The following TTC7A variants were observed in gnomAD, a reference collection of about 807,000 sequenced individuals.
The protein encoded by TTC7A is tetratricopeptide repeat protein 7A.
Under a neutral mutation model 103.7 loss-of-function variants are expected in TTC7A, and 110 were observed. The observed-to-expected ratio is 1.06, with a 90% CI of 0.91 to 1.24. The LOEUF is 1.24. Among genes scored for constraint, TTC7A ranks in the 50% most tolerant of loss-of-function variants. The pLI is 0.00. For missense variants in TTC7A, 1,340 were observed against 1,116.3 expected (o/e 1.20, Z -2.86); for synonymous variants, 521 against 467.9 (o/e 1.11, Z -1.47).
chr2:46,992,605 C>T (rs1308117068), intron 5 of TTC7A, among the ~76,000 whole-genome samples: 1 of 152,194 alleles, frequency 6.6e-6, no homozygotes, highest in Non-Finnish European at 1.5e-5. Flanking sequence ...TTCTGTGAGC[C>T]CTGGGGCCAC....
intron 19 of TTC7A, among the ~76,000 whole-genome samples, chr2:47,066,584 A>G (rs1210162319): frequency 6.6e-6 from 1 of 152,202 alleles, no homozygotes; most frequent in East Asian, 1.9e-4. Context: ...GTTGGACCAG[A>G]TATGAGAGGT....
intron 16 of TTC7A, among the ~76,000 whole-genome samples, chr2:47,048,948 G>C (rs891707864): frequency 6.6e-6 from 1 of 152,134 alleles, no homozygotes; most frequent in Non-Finnish European, 1.5e-5. Context: ...CTGGGAATGG[G>C]AAGGGGTGGG....
At chr2:46,918,603 A>C (rs756973374) in intron 2 of TTC7A, among the ~76,000 whole-genome samples, 10 of 152,238 alleles carry the variant, frequency 6.6e-5, no homozygotes, top group Non-Finnish European at 1.3e-4. Context: ...GGAATTGGCT[A>C]ACTGGAGGTT....
At chr2:46,961,454 G>A (rs1383557321) in intron 3 of TTC7A, among the ~76,000 whole-genome samples, 1 of 151,962 alleles carries the variant, frequency 6.6e-6, no homozygotes, top group African/African-American at 2.4e-5. Context: ...GCAGGTGCCT[G>A]TAGTCCCAGC....
chr2:46,931,193 G>A (rs1296421649), intron 2 of TTC7A, among the ~76,000 whole-genome samples: 1 of 152,218 alleles, frequency 6.6e-6, no homozygotes, highest in African/African-American at 2.4e-5. Context: ...ATGGCTCACT[G>A]CAGCTTTCAG....
intron 8 of TTC7A, chr2:46,999,672 T>C: frequency 1.0e-6 from 1 of 985,470 alleles, no homozygotes. Flanking sequence ...ATTCTTGTTT[T>C]TGAAAGAACC....
At chr2:47,000,346 G>T (rs1414063733) in intron 8 of TTC7A, among the ~76,000 whole-genome samples, 1 of 152,026 alleles carries the variant, frequency 6.6e-6, no homozygotes, top group Non-Finnish European at 1.5e-5. Flanking sequence ...GATCTGGTTT[G>T]TTCTAACACA....
chr2:47,068,862 C>CAA (rs201835431), intron 19 of TTC7A, among the ~76,000 whole-genome samples: 234 of 69,706 alleles, frequency 3.4e-3, no homozygotes, highest in African/African-American at 8.0e-3. Flanking sequence ...TCAATTTTTT[C>CAA]AAAAAAAAAA....
At chr2:46,948,262 G>A (rs1442250866) in intron 1 of TTC7A, among the ~76,000 whole-genome samples, 1 of 152,192 alleles carries the variant, frequency 6.6e-6, no homozygotes, top group Non-Finnish European at 1.5e-5. Context: ...GCTTTACAGA[G>A]GCAAAGCAGG....
At chr2:46,971,984 GA>G (rs1267209935) in intron 3 of TTC7A, among the ~76,000 whole-genome samples, 2 of 149,204 alleles carry the variant, frequency 1.3e-5, no homozygotes, top group African/African-American at 4.9e-5. Context: ...GGCAGGGAGG[GA>G]GGGAGGAAGG....
intron 19 of TTC7A, among the ~76,000 whole-genome samples, chr2:47,067,365 GGCCTGA>G (rs927435635): frequency 4.6e-5 from 7 of 152,348 alleles, no homozygotes; most frequent in East Asian, 3.9e-4. Flanking sequence ...GGTGGCACGT[GGCCTGA>G]GCCTGAGCCC....
chr2:47,062,971 A>G (rs539958095), intron 19 of TTC7A, among the ~76,000 whole-genome samples: 3 of 152,384 alleles, frequency 2.0e-5, no homozygotes, highest in South Asian at 4.1e-4. Flanking sequence ...TCCCGTCTAC[A>G]GGCTCTGTTC....
chr2:47,049,904 C>T lies in TTC7A; in HGVS notation c.1920-45C>T, dbSNP rs2304287. On this transcript the variant is annotated intron_variant, in intron 16 of 19. Transcript: ENST00000319190. ...CTCTACCTCACTGGGCCCTGTGATG[C>T]TAGCCCTCTACCTTACCGGACCCTG... The T allele has an allele frequency of 2.7e-6, 4 of 1,480,254 alleles. No individual in the cohort carries two copies. The Admixed American group carries it at 6.8e-5, about 25-fold the overall frequency. The allele number at this position is 1,480,254 out of a possible 1,614,324, so 91.7% of individuals were successfully genotyped here. A position where few individuals can be genotyped will look rare whatever the true frequency, so the allele number is the denominator to read the frequency against.
chr2:47,072,640 C>CACCCCCACTGCG (rs2103660513), intron 19 of TTC7A, among the ~76,000 whole-genome samples: 1 of 152,342 alleles, frequency 6.6e-6, no homozygotes, highest in Non-Finnish European at 1.5e-5. Context: ...GGCAGCTCCC[C>CACCCCCACTGCG]ACCCCCACTG....
In TTC7A at chr2:47,049,791, C is replaced by G. The variant is rs146886519; in HGVS notation, c.1920-158C>G. 2.6e-5 allele frequency among the ~76,000 whole-genome samples: 4 copies of G among 152,232 alleles called. No homozygotes were observed. In the East Asian group the frequency reaches 5.8e-4, roughly 22 times the overall value. ...TCTCTAGTGATGTTGGTGACTTCAG[C>G]TCTGTCTTTGGGCCTGAACCCACAG... is the stretch of plus-strand genomic sequence containing the variant. On this transcript the variant is annotated intron_variant, in intron 16 of 19. Transcript: ENST00000319190.
intron 19 of TTC7A, among the ~76,000 whole-genome samples, chr2:47,066,815 A>G (rs1245248009): frequency 2.0e-5 from 3 of 152,338 alleles, no homozygotes; most frequent in East Asian, 3.9e-4. Flanking sequence ...CTCAGCCTCC[A>G]AAAGTGCTGG....
At chr2:47,051,949 C>G (rs1682896883) in intron 18 of TTC7A, 69 bp downstream of exon 18, 3 of 1,524,968 alleles carry the variant, frequency 2.0e-6, no homozygotes, top group East Asian at 2.4e-5. Context: ...GAGCCCTGTC[C>G]TGGAGAAGGG....
intron 2 of TTC7A, among the ~76,000 whole-genome samples, chr2:46,956,181 C>T (rs1474204842): frequency 6.6e-6 from 1 of 152,136 alleles, no homozygotes; most frequent in African/African-American, 2.4e-5. Flanking sequence ...ATGTAAGCAA[C>T]TTTTGAAAAA....
intron 11 of TTC7A, among the ~76,000 whole-genome samples, chr2:47,017,262 C>G (rs938609176): frequency 1.4e-5 from 2 of 145,906 alleles, no homozygotes; most frequent in East Asian, 4.2e-4. Context: ...TGCCTATCAT[C>G]TCAACATTTT....
Sources: gnomAD v4.1 joint callset for allele counts (sites outside exome capture counted in the v4.1 genomes callset) on GRCh38, gnomAD v4.1.1 for gene constraint, MANE v1.5 for transcripts, NCBI Gene and HGNC (gene_info 2026-07-23, HGNC 2026-07-21) for gene names.